The following ARID1B variants were observed in gnomAD, a reference collection of about 807,000 sequenced individuals.
The protein encoded by ARID1B is AT-rich interaction domain 1B.
ARID1B carries 30 observed loss-of-function variants against 212.3 expected under a neutral mutation model. The observed-to-expected ratio is 0.14, with a 90% CI of 0.11 to 0.19. ARID1B has a LOEUF of 0.19. ARID1B is among the 10% of genes least tolerant of loss of function. The probability of loss-of-function intolerance (pLI) is 1.00; values close to 1 mark genes in which losing one functional copy is unlikely to be tolerated. For missense variants in ARID1B, 2,891 were observed against 3,204.0 expected, an observed-to-expected ratio of 0.90 and a Z score of 2.36; for synonymous variants, 1,402 against 1,301.7, an observed-to-expected ratio of 1.08 and a Z score of -1.66.
At chr6:156,860,353 T>G (rs1785242590) in intron 2 of ARID1B, among the ~76,000 whole-genome samples, 1 of 151,928 alleles carries the variant, frequency 6.6e-6, no homozygotes, top group Admixed American at 6.6e-5. Flanking sequence ...TTTTTTTTCT[T>G]AAAAATTGAT....
At chr6:157,014,930 A>G (rs915831097) in intron 4 of ARID1B, among the ~76,000 whole-genome samples, 1 of 152,176 alleles carries the variant, frequency 6.6e-6, no homozygotes, top group African/African-American at 2.4e-5. Flanking sequence ...TCTCCATCTT[A>G]TAGAAACATG....
chr6:157,030,354 T>A (rs1309898443), intron 4 of ARID1B: 1 of 152,276 alleles, frequency 6.6e-6, no homozygotes, highest in Non-Finnish European at 1.5e-5. Flanking sequence ...TGATTGCTGC[T>A]GCAGCAGTCT....
chr6:156,860,536 A>G (rs780696810), intron 2 of ARID1B, among the ~76,000 whole-genome samples: 1 of 152,170 alleles, frequency 6.6e-6, no homozygotes, highest in Non-Finnish European at 1.5e-5. Flanking sequence ...GAATATTACT[A>G]TACTCTAGAA....
In ARID1B at chr6:157,133,641, C is replaced by T. The variant is rs566104586; in HGVS notation, c.2761+434C>T. ...GCTGACGGCTCAGGACGGCATTGCCCCGCACATCCCTCCCAGTTTCTCTCC... is the reference window on the plus strand; with the variant it reads ...GCTGACGGCTCAGGACGGCATTGCCTCGCACATCCCTCCCAGTTTCTCTCC... On this transcript the variant is annotated intron_variant, in intron 7 of 19. Coordinates refer to ENST00000636930, the MANE Select transcript of ARID1B (RefSeq NM_001374828.1). Among the ~76,000 whole-genome samples, 253 of 152,290 alleles carry T rather than the reference C, an allele frequency of 1.7e-3. 4 individuals are homozygous for T. The highest frequency in any genetic ancestry group is 5.7e-3 in the African/African-American group (238 of 41,556).
intron 4 of ARID1B, among the ~76,000 whole-genome samples, chr6:157,034,380 C>G (rs1781191162): frequency 1.3e-5 from 2 of 152,196 alleles, no homozygotes; most frequent in Admixed American, 1.3e-4. Context: ...GCTGTGTCTT[C>G]CCAGTACAGT....
chr6:156,815,158 A>G lies in ARID1B; in HGVS notation c.1792-14069A>G, dbSNP rs144252094. ...AAGTCTAAGAAAAGAAGAGTATGGG[A>G]AATTGAAATGGCTGGCAGTAGACAA... On this transcript the variant is annotated intron_variant, in intron 1 of 19. Coordinates refer to ENST00000636930, the MANE Select transcript of ARID1B (RefSeq NM_001374828.1). Among the ~76,000 whole-genome samples the G allele has an allele frequency of 2.4e-3, 360 of 152,312 alleles. 12 individuals are homozygous for G. In the East Asian group the frequency reaches 0.063, roughly 27 times the overall value.
intron 5 of ARID1B, among the ~76,000 whole-genome samples, chr6:157,092,541 G>A (rs912626555): frequency 6.6e-6 from 1 of 152,220 alleles, no homozygotes; most frequent in African/African-American, 2.4e-5. Flanking sequence ...TCTGATGGGT[G>A]GGGAATGAGT....
At chr6:157,197,729 G>T (rs779923567) in intron 16 of ARID1B, among the ~76,000 whole-genome samples, 1 of 152,114 alleles carries the variant, frequency 6.6e-6, no homozygotes, top group African/African-American at 2.4e-5. Context: ...TTTGGGGGGG[G>T]TAGCTGGCAA....
chr6:157,136,046 A>G, intron 7 of ARID1B, among the ~76,000 whole-genome samples: 1 of 152,260 alleles, frequency 6.6e-6, no homozygotes. Context: ...TAGTAATAAC[A>G]ACCAGCATTT....
intron 5 of ARID1B, among the ~76,000 whole-genome samples, chr6:157,085,785 A>T (rs1174632328): frequency 6.6e-6 from 1 of 152,196 alleles, no homozygotes; most frequent in Non-Finnish European, 1.5e-5. Context: ...TAGCACACTA[A>T]TTATGAAACA....
At chr6:157,040,340 A>G (rs1781803266) in intron 4 of ARID1B, among the ~76,000 whole-genome samples, 1 of 152,226 alleles carries the variant, frequency 6.6e-6, no homozygotes, top group Non-Finnish European at 1.5e-5. Context: ...GGGAAAGGTA[A>G]CTCAAGTGTC....
intron 4 of ARID1B, chr6:156,937,740 G>C (rs1562497125): frequency 1.3e-5 from 2 of 152,178 alleles, no homozygotes; most frequent in Admixed American, 6.5e-5. Flanking sequence ...GTCATCAACT[G>C]TTTAAATGTT....
At chr6:157,047,170 A>G (rs939936688) in intron 4 of ARID1B, among the ~76,000 whole-genome samples, 1 of 152,200 alleles carries the variant, frequency 6.6e-6, no homozygotes, top group Admixed American at 6.5e-5. Context: ...TCAGCTTTCA[A>G]TAGTGAAAAC....
intron 7 of ARID1B, chr6:157,140,521 T>G (rs1029204928): frequency 7.5e-6 from 3 of 397,870 alleles, no homozygotes; most frequent in Admixed American, 4.4e-5. Context: ...ATTTTATCTA[T>G]TCATTGTCAG....
rs115485031 is a variant in ARID1B, at chr6:156,902,467, C to T, written c.2136+942C>T. On this transcript the variant is annotated intron_variant, in intron 3 of 19. Transcript: ENST00000636930. ...ATATTAAGCAAAATAAATAAATTTA[C>T]GGAGCTTAATTTTAATCAGTTTGGC... 2.4e-3 allele frequency among the ~76,000 whole-genome samples: 369 copies of T among 151,966 alleles called. 2 individuals are homozygous for T. Among genetic ancestry groups the T allele is most frequent in the African/African-American group, 8.1e-3 (334 of 41,450 alleles).
intron 4 of ARID1B, among the ~76,000 whole-genome samples, chr6:156,953,824 C>G (rs1476765696): frequency 6.6e-6 from 1 of 152,140 alleles, no homozygotes; most frequent in Non-Finnish European, 1.5e-5. Context: ...TGGTATTTAG[C>G]GTTTAAACAC....
At chr6:156,900,710 A>G in intron 2 of ARID1B, among the ~76,000 whole-genome samples, 1 of 152,234 alleles carries the variant, frequency 6.6e-6, no homozygotes, top group Non-Finnish European at 1.5e-5. Flanking sequence ...GCTTTCAGGC[A>G]TTTTTAGGCT....
At chr6:156,811,292 C>T (rs4870491) in intron 1 of ARID1B, among the ~76,000 whole-genome samples, 4,569 of 152,252 alleles carry the variant, frequency 0.03, 117 homozygotes, top group Non-Finnish European at 0.044. Flanking sequence ...ATGCCAGTCA[C>T]AGGTCTTACC....
At chr6:157,092,458 G>A (rs994476883) in intron 5 of ARID1B, among the ~76,000 whole-genome samples, 4 of 152,322 alleles carry the variant, frequency 2.6e-5, no homozygotes, top group South Asian at 4.1e-4. Flanking sequence ...AGGCCTTTGC[G>A]TTTGAAGAAC....
Sources: gnomAD v4.1 joint callset for allele counts (sites outside exome capture counted in the v4.1 genomes callset) on GRCh38, gnomAD v4.1.1 for gene constraint, MANE v1.5 for transcripts, NCBI Gene and HGNC (gene_info 2026-07-23, HGNC 2026-07-21) for gene names.